Variants in CALN1 observed in about 807,000 individuals in gnomAD.
CALN1 encodes the protein calneuron 1.
A neutral mutation model predicts 30.6 loss-of-function variants in CALN1; 17 were observed. That is an observed-to-expected ratio of 0.56 (90% CI 0.38 to 0.83). CALN1 has a LOEUF of 0.83. Among genes scored for constraint, CALN1 ranks in the 40% least tolerant of loss-of-function variants. The pLI is 0.00. For missense variants in CALN1, 291 were observed against 354.9 expected (o/e 0.82, Z 1.45); for synonymous variants, 156 against 131.4 (o/e 1.19, Z -1.28).
At chr7:72,259,255 A>C (rs1210238993) in intron 3 of CALN1, among the ~76,000 whole-genome samples, 1 of 151,908 alleles carries the variant, frequency 6.6e-6, no homozygotes, top group African/African-American at 2.4e-5. Flanking sequence ...TCTTCTCATT[A>C]TCATCACTTA....
upstream of CALN1, among the ~76,000 whole-genome samples, chr7:72,413,144 C>G (rs578064737): frequency 3.9e-5 from 6 of 152,196 alleles, no homozygotes; most frequent in African/African-American, 1.4e-4. Context: ...CACGTATGCT[C>G]ACTTACATGC....
intron 1 of CALN1, among the ~76,000 whole-genome samples, chr7:72,419,957 C>T (rs909270876): frequency 6.6e-6 from 1 of 152,104 alleles, no homozygotes; most frequent in African/African-American, 2.4e-5. Context: ...CTTCTGCATT[C>T]ATCACCTTTC....
chr7:72,409,530 T>G (rs1806965068), intron 1 of CALN1, among the ~76,000 whole-genome samples: 1 of 145,340 alleles, frequency 6.9e-6, no homozygotes, highest in Non-Finnish European at 1.5e-5. Context: ...TCAGCGTCTG[T>G]GGCCTTCAGC....
chr7:72,365,030 C>T (rs1216205114), intron 2 of CALN1, among the ~76,000 whole-genome samples: 7 of 151,960 alleles, frequency 4.6e-5, no homozygotes, highest in South Asian at 2.1e-4. Flanking sequence ...ATTAGCCGGG[C>T]GTGGTGGCAC....
intron 2 of CALN1, among the ~76,000 whole-genome samples, chr7:72,316,861 C>CT (rs2129556887): frequency 6.6e-6 from 1 of 151,816 alleles, no homozygotes; most frequent in African/African-American, 2.4e-5. Flanking sequence ...AGGAGGATCA[C>CT]TTGAGCTCAG....
intron 5 of CALN1, among the ~76,000 whole-genome samples, chr7:71,964,276 G>A (rs1057072779): frequency 1.3e-5 from 2 of 152,148 alleles, no homozygotes; most frequent in African/African-American, 2.4e-5. Context: ...TGTAGGGGTC[G>A]TGGGGAGCAT....
intron 2 of CALN1, among the ~76,000 whole-genome samples, chr7:72,303,217 C>T (rs760316213): frequency 4.6e-5 from 7 of 152,124 alleles, no homozygotes; most frequent in Non-Finnish European, 1.0e-4. Flanking sequence ...TGGATTCTAA[C>T]AATGAGGTGA....
At position 71,891,612 on chromosome 7, in the gene CALN1, A is replaced by C. The variant is rs150504627; in HGVS notation, c.502-81120T>G. ...TTACATAGGGTTCTTGAGAGAACTA[A>C]AAGTATCAGAATTTGTAAAGTGCTT... On this transcript the variant is annotated intron_variant, in intron 5 of 6. Transcript: ENST00000395275. 3.6e-3 allele frequency among the ~76,000 whole-genome samples: 554 copies of C among 152,326 alleles called. 3 individuals are homozygous for C. Among genetic ancestry groups the C allele is most frequent in the African/African-American group, 0.012 (484 of 41,566 alleles).
chr7:72,278,472 T>TACACACACACACACACACACAC (rs59010102), intron 3 of CALN1, among the ~76,000 whole-genome samples: 14 of 144,080 alleles, frequency 9.7e-5, no homozygotes, highest in Non-Finnish European at 1.7e-4. Flanking sequence ...ATCAGGTCTG[T>TACACACACACACACACACACAC]ACACACACAC....
At chr7:71,986,230 T>G (rs1347497478) in intron 5 of CALN1, among the ~76,000 whole-genome samples, 2 of 152,012 alleles carry the variant, frequency 1.3e-5, no homozygotes, top group Admixed American at 1.3e-4. Flanking sequence ...GTATTTTTAG[T>G]AGAGATGGGG....
At chr7:71,948,948 TGGGA>T (rs1217255230) in intron 5 of CALN1, among the ~76,000 whole-genome samples, 1 of 132,880 alleles carries the variant, frequency 7.5e-6, no homozygotes, top group Admixed American at 8.9e-5. Context: ...GAGGCTAAGG[TGGGA>T]GGATCACTTG....
At chr7:72,336,157 G>A (rs921015613) in intron 2 of CALN1, among the ~76,000 whole-genome samples, 8 of 152,270 alleles carry the variant, frequency 5.3e-5, no homozygotes, top group East Asian at 1.9e-4. Flanking sequence ...CGCCCAGAAA[G>A]GCAAGCAGTC....
chr7:72,143,778 C>T (rs929908207), intron 3 of CALN1, among the ~76,000 whole-genome samples: 225 of 152,292 alleles, frequency 1.5e-3, no homozygotes, highest in Non-Finnish European at 2.1e-3. Context: ...GCTGATCTCT[C>T]GGCAGAAACT....
At chr7:72,183,192 T>G (rs1234417922) in intron 3 of CALN1, among the ~76,000 whole-genome samples, 2 of 152,166 alleles carry the variant, frequency 1.3e-5, no homozygotes, top group East Asian at 3.9e-4. Context: ...GTCTCCCAAG[T>G]AGCTGGGATT....
intron 5 of CALN1, among the ~76,000 whole-genome samples, chr7:71,890,013 G>A (rs12113829): frequency 6.6e-6 from 1 of 151,640 alleles, no homozygotes; most frequent in Non-Finnish European, 1.5e-5. Flanking sequence ...TAAATTCTCA[G>A]AGAAACACAA....
intron 6 of CALN1, among the ~76,000 whole-genome samples, chr7:71,808,745 C>A (rs1329865010): frequency 1.3e-5 from 2 of 152,146 alleles, no homozygotes; most frequent in African/African-American, 4.8e-5. Flanking sequence ...CCCAAAAATA[C>A]CCTTCTCCAC....
intron 5 of CALN1, among the ~76,000 whole-genome samples, chr7:71,925,540 C>CTT (rs927367795): frequency 1.4e-5 from 2 of 145,644 alleles, no homozygotes; most frequent in Non-Finnish European, 3.0e-5. Context: ...CATTATTTGT[C>CTT]TTTAGTTTTA....
intron 5 of CALN1, among the ~76,000 whole-genome samples, chr7:71,969,738 G>C (rs928400318): frequency 1.3e-5 from 2 of 152,096 alleles, no homozygotes; most frequent in East Asian, 3.9e-4. Context: ...AATATTTTAT[G>C]AGTTGTCAGG....
chr7:72,227,811 C>T (rs570898403), intron 3 of CALN1, among the ~76,000 whole-genome samples: 1 of 152,180 alleles, frequency 6.6e-6, no homozygotes, highest in East Asian at 1.9e-4. Context: ...GACTGCACCA[C>T]TGCACTCTGA....
Sources: allele counts gnomAD v4.1 joint callset (sites outside exome capture counted in the v4.1 genomes callset), GRCh38; gene constraint gnomAD v4.1.1; transcripts MANE v1.5; gene names NCBI Gene and HGNC (gene_info 2026-07-23, HGNC 2026-07-21).